CIAO2A: variants seen among roughly 807,000 people sequenced by gnomAD.
CIAO2A encodes cytosolic iron-sulfur assembly component 2A.
A neutral mutation model predicts 22.4 loss-of-function variants in CIAO2A; 17 were observed. The observed-to-expected ratio is 0.76, with a 90% confidence interval of 0.52 to 1.14. The LOEUF is 1.14. Among genes scored for constraint, CIAO2A ranks in the 50% most tolerant of loss-of-function variants. CIAO2A has a pLI of 0.00. For synonymous variants in CIAO2A, 74 were observed against 72.3 expected, an observed-to-expected ratio of 1.02 and a Z score of -0.12; for missense variants, 192 against 191.4, an observed-to-expected ratio of 1.00 and a Z score of -0.02.
At chr15:64,083,655 C>T (rs2080772413) in intron 2 of CIAO2A, among the ~76,000 whole-genome samples, 2 of 152,062 alleles carry the variant, frequency 1.3e-5, no homozygotes, top group Admixed American at 1.3e-4. Flanking sequence ...CTCTAAAAAA[C>T]CAATAGGCCG....
intron 2 of CIAO2A, among the ~76,000 whole-genome samples, chr15:64,081,593 A>C (rs1382055032): frequency 7.1e-6 from 1 of 141,198 alleles, no homozygotes; most frequent in African/African-American, 2.7e-5. Flanking sequence ...GCTGGAGTGC[A>C]GTGGCATGAT....
At chr15:64,092,769 C>T (rs1463004086) in intron 1 of CIAO2A, among the ~76,000 whole-genome samples, 1 of 152,202 alleles carries the variant, frequency 6.6e-6, no homozygotes, top group Non-Finnish European at 1.5e-5. Context: ...ATAATCCTTA[C>T]TTGAATTATA....
At position 64,088,735 on chromosome 15, in the gene CIAO2A, T is replaced by C. The variant is rs369101440; in HGVS notation, c.241A>G (p.Ile81Val). The C allele has an allele frequency of 1.6e-5, 26 of 1,613,858 alleles. No homozygotes were observed. In the African/African-American group the frequency reaches 3.5e-4, roughly 22 times the overall value. The change falls in exon 2 of 5, where the codon ATC (isoleucine) becomes GTC (valine). Residue 81 changes from isoleucine (I) to valine (V), a missense_variant. Physicochemically the swap from Ile to Val is conservative, Grantham distance 29. Transcript: ENST00000300030. ...EINEEEYLVI[I>V]RFTPTVPHCS... ...TGAGGTACTGTTGGCGTGAACCTGA[T>C]AATAACCAGATATTCTTCTTCATTT...
intron 4 of CIAO2A, among the ~76,000 whole-genome samples, chr15:64,073,581 C>A (rs1040272358): frequency 2.0e-5 from 3 of 152,134 alleles, no homozygotes. Flanking sequence ...AGTTTGGCAA[C>A]AATACCTGGT....
chr15:64,079,696 G>T (rs2926690), intron 3 of CIAO2A, among the ~76,000 whole-genome samples: 140,857 of 152,282 alleles, frequency 0.92, 66,059 homozygotes, highest in East Asian at 1. Flanking sequence ...ATTCACGAGC[G>T]ATAACCAATT....
chr15:64,092,063 C>CAA lies in CIAO2A; in HGVS notation c.124+1580_124+1581dup, dbSNP rs35475525. On this transcript the variant is annotated intron_variant, in intron 1 of 4. Transcript: ENST00000300030. ...TGATTACCAGAGTGAGACCCTGTCT[C>CAA]AAAAAAAAAAAAAAAAAAAAAAAAA... Among the ~76,000 whole-genome samples, 370 of 63,038 alleles carry CAA rather than the reference C, an allele frequency of 5.9e-3. 3 individuals are homozygous for CAA. The highest frequency in any genetic ancestry group is 0.013 in the South Asian group (22 of 1,656). The allele number at this position is 63,038 out of a possible 152,430, so 41.4% of individuals were successfully genotyped here. A position where few individuals can be genotyped will look rare whatever the true frequency, so the allele number is the denominator to read the frequency against.
At chr15:64,083,567 C>T (rs766384704) in intron 2 of CIAO2A, among the ~76,000 whole-genome samples, 1 of 152,192 alleles carries the variant, frequency 6.6e-6, no homozygotes, top group Non-Finnish European at 1.5e-5. Context: ...GTTAACACAT[C>T]AGACAGACGA....
At chr15:64,082,329 A>C (rs943970088) in intron 2 of CIAO2A, among the ~76,000 whole-genome samples, 6 of 152,184 alleles carry the variant, frequency 3.9e-5, no homozygotes, top group Admixed American at 1.3e-4. Context: ...CCTGGGTTCA[A>C]GAGATTCTCC....
intron 4 of CIAO2A, chr15:64,074,193 A>C (rs1047914897): frequency 1.3e-5 from 2 of 152,238 alleles, no homozygotes; most frequent in Non-Finnish European, 2.9e-5. Context: ...AGAAGAGTTC[A>C]AAAGAGAGAC....
Position 64,093,763 on chromosome 15 carries a change from C to A in CIAO2A, c.6G>T (p.Gln2His), listed in dbSNP as rs767557369. 6.2e-7 allele frequency: 1 copy of A among 1,610,598 alleles called. No homozygotes were observed. Among genetic ancestry groups the A allele is most frequent in the Non-Finnish European group, 8.5e-7 (1 of 1,177,070 alleles). The stretch of plus-strand genomic sequence containing the variant: ...TCCAGGAGAGCAGCCCGGACACCCG[C>A]TGCATCTTCACGCTCAGCCATCCCT... Reference protein sequence around the residue: MQRVSGLLSWTL... With the variant: MHRVSGLLSWTL... Residue 2 changes from glutamine (Q) to histidine (H), a missense_variant, in exon 1 of 5, where the codon CAG (glutamine) becomes CAT (histidine). Transcript: ENST00000300030.
chr15:64,077,112 A>G (rs555856875), intron 3 of CIAO2A, among the ~76,000 whole-genome samples: 33 of 152,222 alleles, frequency 2.2e-4, no homozygotes, highest in African/African-American at 7.5e-4. Context: ...GGAGATCGAG[A>G]CCATCCTGGC....
chr15:64,081,147 C>G lies in CIAO2A; in HGVS notation c.294G>C (p.Leu98=). The change falls in exon 3 of 5, where the codon CTG becomes CTC. Residue 98 remains leucine, a synonymous_variant. Coordinates refer to ENST00000300030, the MANE Select transcript of CIAO2A (RefSeq NM_032231.7). ...PHCSLATLIG[L]CLRVKLQRCL... ...ATCGCTGAAGTTTTACTCTTAAGCA[C>G]AGCCCTGTGGAGGGAAAATCACACC... 5 of 1,613,376 alleles carry G rather than the reference C, an allele frequency of 3.1e-6. No homozygotes were observed. The highest frequency in any genetic ancestry group is 4.2e-6 in the Non-Finnish European group (5 of 1,179,726).
intron 2 of CIAO2A, 56 bp downstream of exon 2, chr15:64,088,631 C>A: frequency 7.2e-7 from 1 of 1,379,798 alleles, no homozygotes. Context: ...GGGTCAATAT[C>A]AGCAAGAATA....
intron 3 of CIAO2A, among the ~76,000 whole-genome samples, chr15:64,077,653 G>C (rs1049735696): frequency 1.4e-4 from 21 of 152,002 alleles, no homozygotes; most frequent in Admixed American, 1.4e-3. Context: ...TCAATTTGAG[G>C]GACAATCTAT....
chr15:64,092,063 C>CAAA (rs35475525), intron 1 of CIAO2A, among the ~76,000 whole-genome samples: 16 of 63,668 alleles, frequency 2.5e-4, no homozygotes, highest in South Asian at 1.8e-3. Context: ...GACCCTGTCT[C>CAAA]AAAAAAAAAA....
chr15:64,077,203 C>A (rs2080725659), intron 3 of CIAO2A, among the ~76,000 whole-genome samples: 1 of 152,176 alleles, frequency 6.6e-6, no homozygotes, highest in South Asian at 2.1e-4. Context: ...GAGGCTGAGG[C>A]AGGAGAATCC....
chr15:64,084,476 A>T (rs187825617), intron 2 of CIAO2A, among the ~76,000 whole-genome samples: 234 of 152,310 alleles, frequency 1.5e-3, no homozygotes, highest in African/African-American at 5.5e-3. Flanking sequence ...ATATATAAAA[A>T]TATTTATATA....
At chr15:64,078,025 T>C (rs1239727834) in intron 3 of CIAO2A, among the ~76,000 whole-genome samples, 1 of 152,208 alleles carries the variant, frequency 6.6e-6, no homozygotes, top group Non-Finnish European at 1.5e-5. Context: ...AGAGAGAAAT[T>C]AATGATAAAC....
Position 64,072,879 on chromosome 15 carries a change from G to T in CIAO2A, c.*52C>A. 8.1e-7 allele frequency: 1 copy of T among 1,234,044 alleles called. No individual in the cohort carries two copies. The highest frequency in any genetic ancestry group is 1.2e-6 in the Non-Finnish European group (1 of 842,706). 76.4% of individuals were successfully genotyped at this position (1,234,044 alleles called of 1,614,324 possible). ...ATGAGTCTCTGACATTATACAAAGA[G>T]TTTAAACAAATATATCAAACAATTA... is the stretch of plus-strand genomic sequence containing the variant. On this transcript the variant is annotated 3_prime_UTR_variant, in exon 5 of 5. Coordinates refer to ENST00000300030, the MANE Select transcript of CIAO2A (RefSeq NM_032231.7).
Sources: allele counts gnomAD v4.1 joint callset (sites outside exome capture counted in the v4.1 genomes callset), GRCh38; gene constraint gnomAD v4.1.1; transcripts MANE v1.5; gene names NCBI Gene and HGNC (gene_info 2026-07-23, HGNC 2026-07-21).